MEI1: variants seen among roughly 807,000 people sequenced by gnomAD.
The protein encoded by MEI1 is meiotic double-stranded break formation protein 1.
Under a neutral mutation model 146.2 loss-of-function variants are expected in MEI1, and 103 were observed. The observed-to-expected ratio is 0.70, with a 90% CI of 0.60 to 0.83. MEI1 has a LOEUF of 0.83. Among genes scored for constraint, MEI1 ranks in the 40% least tolerant of loss-of-function variants. The probability of loss-of-function intolerance (pLI) is 0.00; values close to 1 mark genes in which losing one functional copy is unlikely to be tolerated. For missense variants in MEI1, 1,529 were observed against 1,533.0 expected, an observed-to-expected ratio of 1.00 and a Z score of 0.04; for synonymous variants, 652 against 628.2, an observed-to-expected ratio of 1.04 and a Z score of -0.57.
intron 3 of MEI1, among the ~76,000 whole-genome samples, chr22:41,711,289 C>T (rs957815754): frequency 2.0e-5 from 3 of 152,174 alleles, no homozygotes; most frequent in African/African-American, 7.2e-5. Context: ...TCTCCTGCCT[C>T]AGCCTCCCGA....
At chr22:41,731,088 C>T (rs567668941) in intron 9 of MEI1, among the ~76,000 whole-genome samples, 2 of 150,018 alleles carry the variant, frequency 1.3e-5, no homozygotes, top group African/African-American at 4.9e-5. Flanking sequence ...GAATCTCACC[C>T]TGTCACCCAG....
chr22:41,709,563 G>A, intron 3 of MEI1: 2 of 510,914 alleles, frequency 3.9e-6, no homozygotes, highest in South Asian at 3.2e-5. Context: ...GGTCGGTCCA[G>A]GGGTTGTTCT....
intron 2 of MEI1, 91 bp downstream of exon 2, chr22:41,703,545 T>G: frequency 8.0e-7 from 1 of 1,251,402 alleles, no homozygotes; most frequent in Non-Finnish European, 1.1e-6. Context: ...CTTAGATGAT[T>G]TAGGTTTTTT....
intron 1 of MEI1, among the ~76,000 whole-genome samples, chr22:41,700,551 G>A (rs901883326): frequency 6.6e-6 from 1 of 151,936 alleles, no homozygotes; most frequent in Non-Finnish European, 1.5e-5. Context: ...GGCTGGTCTC[G>A]AACTCTTGAC....
chr22:41,796,484 A>G (rs541463559), intron 30 of MEI1, among the ~76,000 whole-genome samples: 1 of 151,776 alleles, frequency 6.6e-6, no homozygotes, highest in East Asian at 1.9e-4. Flanking sequence ...ATGAGCCACC[A>G]TGCCCGGCTA....
At position 41,744,818 on chromosome 22, in the gene MEI1, T is replaced by A. The variant is rs1008614949; in HGVS notation, c.1447-155T>A. Reference sequence around the variant, plus strand: ...CGGCCTATGATTTTTTTAAAGGAGCTATTTGCAAGGATATAGCCAAGATCT... The same window carrying A: ...CGGCCTATGATTTTTTTAAAGGAGCAATTTGCAAGGATATAGCCAAGATCT... On this transcript the variant is annotated intron_variant, in intron 12 of 30. Transcript: ENST00000401548. Among the ~76,000 whole-genome samples, 3 of 149,656 alleles carry A rather than the reference T, an allele frequency of 2.0e-5. No homozygotes were observed. In the Admixed American group the frequency reaches 2.0e-4, roughly 10 times the overall value.
intron 22 of MEI1, among the ~76,000 whole-genome samples, chr22:41,779,479 G>A (rs2148132902): frequency 6.6e-6 from 1 of 152,172 alleles, no homozygotes; most frequent in East Asian, 1.9e-4. Context: ...TGTATGACAG[G>A]CACAAGCTCT....
chr22:41,700,942 T>TC (rs955711715), intron 1 of MEI1, among the ~76,000 whole-genome samples: 1 of 147,932 alleles, frequency 6.8e-6, no homozygotes, highest in African/African-American at 2.5e-5. Flanking sequence ...TTTCTTTCTT[T>TC]TTTTTTTTTT....
chr22:41,723,642 A>G (rs1357765110), intron 6 of MEI1, among the ~76,000 whole-genome samples: 1 of 152,126 alleles, frequency 6.6e-6, no homozygotes. Flanking sequence ...TGTTATGTTG[A>G]AAAAACTCAC....
At chr22:41,759,914 C>T (rs999407464) in intron 18 of MEI1, among the ~76,000 whole-genome samples, 7 of 152,182 alleles carry the variant, frequency 4.6e-5, no homozygotes, top group African/African-American at 1.7e-4. Flanking sequence ...TGGCTCACAT[C>T]TGTAATCCCA....
intron 26 of MEI1, among the ~76,000 whole-genome samples, chr22:41,789,441 G>A (rs2076099429): frequency 6.6e-6 from 1 of 152,198 alleles, no homozygotes; most frequent in South Asian, 2.1e-4. Context: ...TAGGATTACA[G>A]GTGTGAGTCA....
At chr22:41,715,337 T>G (rs753213708) in intron 4 of MEI1, among the ~76,000 whole-genome samples, 1 of 152,034 alleles carries the variant, frequency 6.6e-6, no homozygotes, top group Admixed American at 6.6e-5. Flanking sequence ...GCATGAAGCA[T>G]AGTGCCTGGT....
chr22:41,736,533 G>A (rs919802797), intron 11 of MEI1, among the ~76,000 whole-genome samples: 2 of 152,062 alleles, frequency 1.3e-5, no homozygotes, highest in Admixed American at 6.6e-5. Flanking sequence ...GATTACAGGC[G>A]TGAGCTACCG....
intron 7 of MEI1, among the ~76,000 whole-genome samples, chr22:41,727,926 G>A (rs1239743401): frequency 1.3e-5 from 2 of 152,140 alleles, no homozygotes; most frequent in Non-Finnish European, 2.9e-5. Context: ...ATCCTCTGCT[G>A]AGCATGTACC....
At chr22:41,760,543 T>A (rs2074415437) in intron 18 of MEI1, among the ~76,000 whole-genome samples, 1 of 151,968 alleles carries the variant, frequency 6.6e-6, no homozygotes, top group African/African-American at 2.4e-5. Flanking sequence ...TAATAATTTA[T>A]TGGCTGGGTG....
chr22:41,760,042 G>C (rs985326121), intron 18 of MEI1, among the ~76,000 whole-genome samples: 8 of 152,040 alleles, frequency 5.3e-5, no homozygotes, highest in Non-Finnish European at 7.4e-5. Context: ...GGGTGCAGTG[G>C]CTCACTCCTG....
chr22:41,721,237 CTT>C (rs984702207), intron 6 of MEI1, among the ~76,000 whole-genome samples: 2,134 of 70,302 alleles, frequency 0.03, 21 homozygotes, highest in African/African-American at 0.13. Context: ...CACGCCCGTT[CTT>C]TTTTTTTTTT....
chr22:41,718,244 C>T lies in MEI1; in HGVS notation c.703C>T (p.Gln235Ter). 6.2e-7 allele frequency: 1 copy of T among 1,613,894 alleles called. No individual in the cohort carries two copies. The highest frequency in any genetic ancestry group is 8.5e-7 in the Non-Finnish European group (1 of 1,179,876). The change falls in exon 6 of 31, where the codon CAG becomes TAG. Residue 235 changes from glutamine to a stop codon, truncating the protein, a stop_gained. Coordinates refer to ENST00000401548, the MANE Select transcript of MEI1 (RefSeq NM_152513.4). LOFTEE classifies it high-confidence loss of function. ...CTTCCTTTCCATCCTGGATGGTGCCCAGACAAAGGAGCTGCAGATTAACTG... is the reference window on the plus strand; with the variant it reads ...CTTCCTTTCCATCCTGGATGGTGCCTAGACAAAGGAGCTGCAGATTAACTG... ...PLFLSILDGA[Q>*]TKELQINCLG...
intron 26 of MEI1, among the ~76,000 whole-genome samples, chr22:41,790,333 C>A (rs1356856253): frequency 6.6e-6 from 1 of 152,168 alleles, no homozygotes; most frequent in Admixed American, 6.5e-5. Flanking sequence ...GATCTGCCTG[C>A]CTTGGCATCC....
Sources: allele counts gnomAD v4.1 joint callset (sites outside exome capture counted in the v4.1 genomes callset), GRCh38; gene constraint gnomAD v4.1.1; transcripts MANE v1.5; gene names NCBI Gene and HGNC (gene_info 2026-07-23, HGNC 2026-07-21).